Variants in RBL2 observed in about 807,000 individuals in gnomAD.
RBL2 encodes the protein retinoblastoma-like protein 2.
Under a neutral mutation model 126.0 loss-of-function variants are expected in RBL2, and 56 were observed. The ratio of observed to expected loss-of-function variants is 0.44; its 90% CI spans 0.36 to 0.56. The LOEUF is 0.56. Among genes scored for constraint, RBL2 ranks in the 20% least tolerant of loss-of-function variants. RBL2 has a pLI of 0.00. For missense variants in RBL2, 1,229 were observed against 1,398.2 expected (o/e 0.88, Z 1.93); for synonymous variants, 454 against 478.5 (o/e 0.95, Z 0.67).
chr16:53,480,051 C>A, intron 19 of RBL2, 60 bp downstream of exon 19: 2 of 1,126,136 alleles, frequency 1.8e-6, no homozygotes, highest in Non-Finnish European at 2.6e-6. Context: ...CTTTTTAGGC[C>A]TTGAAGAAGT....
At chr16:53,485,775 G>T (rs1245404800) in intron 21 of RBL2, among the ~76,000 whole-genome samples, 3 of 152,144 alleles carry the variant, frequency 2.0e-5, no homozygotes, top group South Asian at 4.1e-4. Context: ...AGGATGGCTT[G>T]AGCCCAGGTG....
rs10540773 is a variant in RBL2, at chr16:53,475,835, C to CTT, written c.2704-3292_2704-3291dup. Reference sequence around the variant, plus strand: ...AGATACCTTTCTAATATTTCAATATCTTTTTTTTTTTTTTTTTTTTTTTTT... The same window carrying CTT: ...AGATACCTTTCTAATATTTCAATATCTTTTTTTTTTTTTTTTTTTTTTTTTTT... On this transcript the variant is annotated intron_variant, in intron 17 of 21. Transcript: ENST00000262133. Among the ~76,000 whole-genome samples the CTT allele has an allele frequency of 5.9e-3, 449 of 76,464 alleles. 82 individuals carry two copies. The highest frequency in any genetic ancestry group is 0.022 in the African/African-American group (340 of 15,702). 50.2% of individuals were successfully genotyped at this position (76,464 alleles called of 152,430 possible).
intron 11 of RBL2, among the ~76,000 whole-genome samples, chr16:53,463,630 G>C (rs905769825): frequency 2.1e-5 from 3 of 142,168 alleles, no homozygotes; most frequent in Non-Finnish European, 4.5e-5. Flanking sequence ...GTGCAGTGGT[G>C]CAACGTCGGC....
chr16:53,485,990 TAAAG>T (rs1171823043), intron 21 of RBL2, among the ~76,000 whole-genome samples: 5 of 151,748 alleles, frequency 3.3e-5, no homozygotes, highest in African/African-American at 4.8e-5. Context: ...TAATGAAAGA[TAAAG>T]AACAACGTAA....
chr16:53,446,332 T>G (rs1567727968), intron 3 of RBL2, among the ~76,000 whole-genome samples: 1 of 97,554 alleles, frequency 1.0e-5, no homozygotes, highest in Non-Finnish European at 1.9e-5. Context: ...AAGGCCCAGG[T>G]GAGCAAGTAC....
chr16:53,461,700 C>G (rs2150804725), intron 9 of RBL2, 41 bp from the exon 10 acceptor site: 1 of 1,419,242 alleles, frequency 7.0e-7, no homozygotes, highest in East Asian at 2.4e-5. Context: ...TGTGACTTGA[C>G]AAGACCTTTA....
chr16:53,466,869 T>A, intron 13 of RBL2, 189 bp from the exon 14 acceptor site: 1 of 517,290 alleles, frequency 1.9e-6, no homozygotes. Context: ...TAGTATCCAA[T>A]TACAAGGTTT....
At chr16:53,440,953 CTTTTTTTTTTTT>C (rs1178378934) in intron 2 of RBL2, among the ~76,000 whole-genome samples, 15 of 71,672 alleles carry the variant, frequency 2.1e-4, no homozygotes, top group Admixed American at 1.2e-3. Flanking sequence ...TTTTTCAGTT[CTTTTTTTTTTTT>C]TTTTTTTTTT....
chr16:53,454,369 TAA>T (rs1292824130), intron 7 of RBL2: 1 of 371,850 alleles, frequency 2.7e-6, no homozygotes, highest in Non-Finnish European at 5.2e-6. Context: ...CATGCCCAGC[TAA>T]TTTTTGTATT....
chr16:53,467,692 G>A (rs2058285025), intron 14 of RBL2, among the ~76,000 whole-genome samples: 1 of 152,144 alleles, frequency 6.6e-6, no homozygotes, highest in South Asian at 2.1e-4. Flanking sequence ...CCGGCTGACT[G>A]CTGTATATTT....
rs756763534 is a variant in RBL2 at position 53,457,258 on chromosome 16, C to CTTTTTTTTTT, written c.1180-2183_1180-2174dup. Among the ~76,000 whole-genome samples the CTTTTTTTTTT allele has an allele frequency of 2.9e-4, 26 of 89,912 alleles. 1 individual carries two copies. The highest frequency in any genetic ancestry group is 7.8e-4 in the African/African-American group (13 of 16,706). 59.0% of individuals were successfully genotyped at this position (89,912 alleles called of 152,430 possible). On this transcript the variant is annotated intron_variant, in intron 8 of 21. Transcript: ENST00000262133. Reference sequence around the variant, plus strand: ...GGGTCATCAGGGTGGGTACAGATAGCTTTTTTTTTTTTTTTTTTTGAGATG... The same window carrying CTTTTTTTTTT: ...GGGTCATCAGGGTGGGTACAGATAGCTTTTTTTTTTTTTTTTTTTTTTTTTTTTTGAGATG...
At chr16:53,456,514 G>T (rs1317394734) in intron 8 of RBL2, among the ~76,000 whole-genome samples, 1 of 152,148 alleles carries the variant, frequency 6.6e-6, no homozygotes, top group Admixed American at 6.5e-5. Context: ...TGTATCTAGG[G>T]TATGAGAAAA....
At chr16:53,446,771 T>G (rs965069248) in intron 3 of RBL2, among the ~76,000 whole-genome samples, 4 of 152,234 alleles carry the variant, frequency 2.6e-5, no homozygotes, top group Non-Finnish European at 5.9e-5. Context: ...TTTATTCATT[T>G]TATTTTCCAC....
rs892922416 is a variant in RBL2, at chr16:53,489,050, A to G, written c.3250-1080A>G. ...GACAACATAGTGCAACCCCATTTCT[A>G]TTGTTAATTAAAAAAAAAAAAAAAA... On this transcript the variant is annotated intron_variant, in intron 21 of 21. Transcript: ENST00000262133. The G allele has an allele frequency of 2.4e-5, 3 of 126,458 alleles. No individual in the cohort carries two copies. In the East Asian group the frequency reaches 5.9e-4, roughly 25 times the overall value. 7.8% of individuals were successfully genotyped at this position (126,458 alleles called of 1,614,324 possible).
At chr16:53,458,891 A>C (rs771684695) in intron 8 of RBL2, among the ~76,000 whole-genome samples, 2 of 152,222 alleles carry the variant, frequency 1.3e-5, no homozygotes, top group Non-Finnish European at 2.9e-5. Context: ...CTCACACAGC[A>C]CATGGGAATT....
chr16:53,435,531 G>C (rs1244205960), intron 1 of RBL2: 81 of 1,186,008 alleles, frequency 6.8e-5, no homozygotes, highest in Non-Finnish European at 8.5e-5. Context: ...TTGCAGATGA[G>C]AAAAATGGCC....
Position 53,454,326 on chromosome 16 carries a change from T to G in RBL2, c.993-330T>G, listed in dbSNP as rs1432627875. 9.8e-6 allele frequency: 4 copies of G among 407,932 alleles called. No homozygotes were observed. The East Asian group carries it at 3.0e-4, about 31-fold the overall frequency. The allele number at this position is 407,932 out of a possible 1,614,324, so 25.3% of individuals were successfully genotyped here. On this transcript the variant is annotated intron_variant, in intron 7 of 21. Transcript: ENST00000262133. ...TTCAAGCGATTCTTCTGCCTCAGCC[T>G]CCTGAGTAGCTGTGAATACAGGCAC...
Position 53,453,707 on chromosome 16 carries a change from C to T in RBL2, c.930C>T (p.Leu310=). The change falls in exon 7 of 22, where the codon CTC becomes CTT. Residue 310 remains leucine (L), a splice_region_variant and synonymous_variant. Coordinates refer to ENST00000262133, the MANE Select transcript of RBL2 (RefSeq NM_005611.4). ...PYIRKLYEKK[L]LKGKEENLTG... is the part of the protein sequence containing the mutation. ...AAGGATCTCTTCTTTCATCATAGCT[C>T]CTTAAGGGAAAAGAAGAAAATCTCA... The T allele has an allele frequency of 6.2e-7, 1 of 1,610,810 alleles. No homozygotes were observed. The highest frequency in any genetic ancestry group is 8.5e-7 in the Non-Finnish European group (1 of 1,178,848).
chr16:53,450,988 G>T (rs867937636), intron 4 of RBL2, among the ~76,000 whole-genome samples: 1 of 151,694 alleles, frequency 6.6e-6, no homozygotes, highest in Non-Finnish European at 1.5e-5. Flanking sequence ...TATTTTTTCG[G>T]CTGTCTCCTA....
Sources: gnomAD v4.1 joint callset for allele counts (sites outside exome capture counted in the v4.1 genomes callset) on GRCh38, gnomAD v4.1.1 for gene constraint, MANE v1.5 for transcripts, NCBI Gene and HGNC (gene_info 2026-07-23, HGNC 2026-07-21) for gene names.